The following TCF7L2 variants were observed in gnomAD, a reference collection of about 807,000 sequenced individuals.
The protein encoded by TCF7L2 is transcription factor 7 like 2.
A neutral mutation model predicts 77.9 loss-of-function variants in TCF7L2; 23 were observed. The observed-to-expected ratio is 0.30, with a 90% CI of 0.21 to 0.42. The LOEUF is 0.42. Ranked by LOEUF, TCF7L2 falls within the 10% of genes least tolerant of loss-of-function variation. The pLI is 1.00. For missense variants in TCF7L2, 654 were observed against 793.1 expected (o/e 0.82, Z 2.11); for synonymous variants, 413 against 340.2 (o/e 1.21, Z -2.36).
chr10:112,975,421 G>A (rs957190573), intron 4 of TCF7L2, among the ~76,000 whole-genome samples: 1 of 152,176 alleles, frequency 6.6e-6, no homozygotes, highest in African/African-American at 2.4e-5. Context: ...TTGGGCTGGA[G>A]AATTCTTCGT....
intron 5 of TCF7L2, among the ~76,000 whole-genome samples, chr10:113,102,456 G>A (rs375706602): frequency 5.4e-5 from 8 of 148,308 alleles, no homozygotes; most frequent in East Asian, 2.0e-4. Flanking sequence ...ACAGAGTCTC[G>A]CTCTGTCGCC....
intron 13 of TCF7L2, among the ~76,000 whole-genome samples, chr10:113,164,669 C>T (rs10787479): frequency 0.32 from 48,062 of 151,576 alleles, 8,907 homozygotes; most frequent in African/African-American, 0.49. Context: ...CAGTTATTCT[C>T]GTTCCTTTGA....
At chr10:112,997,998 C>CA (rs34853233) in intron 4 of TCF7L2, among the ~76,000 whole-genome samples, 102 of 149,644 alleles carry the variant, frequency 6.8e-4, no homozygotes, top group African/African-American at 2.3e-3. Flanking sequence ...AAACAAAAAA[C>CA]AAAAAAAAGG....
intron 4 of TCF7L2, among the ~76,000 whole-genome samples, chr10:113,018,668 C>T (rs562044986): frequency 2.0e-5 from 3 of 152,158 alleles, no homozygotes; most frequent in African/African-American, 7.2e-5. Flanking sequence ...GGGTTTCACC[C>T]TGTTGACCAG....
chr10:113,139,312 G>T (rs528121996), intron 5 of TCF7L2, among the ~76,000 whole-genome samples: 1 of 152,302 alleles, frequency 6.6e-6, no homozygotes, highest in Non-Finnish European at 1.5e-5. Flanking sequence ...TCAGCACACA[G>T]TGGGAGCTTC....
At chr10:113,069,843 A>G (rs528231716) in intron 5 of TCF7L2, among the ~76,000 whole-genome samples, 1 of 152,242 alleles carries the variant, frequency 6.6e-6, no homozygotes, top group South Asian at 2.1e-4. Context: ...GTAAAACCAG[A>G]TATTCAAGAA....
In TCF7L2 at chr10:113,152,273, T is replaced by G. The variant is rs369254425; in HGVS notation, c.1162-60T>G. ...CCTGACCTTGGCGTAATGTGTGATG[T>G]TCTTTCATGCTTTTCTCTTTGTTCA... On this transcript the variant is annotated intron_variant, in intron 10 of 13. Transcript: ENST00000627217. The G allele has an allele frequency of 5.2e-4, 740 of 1,433,866 alleles. 16 individuals are homozygous for G. In the South Asian group the frequency reaches 8.0e-3, roughly 16 times the overall value. 88.8% of individuals were successfully genotyped at this position (1,433,866 alleles called of 1,614,324 possible).
intron 4 of TCF7L2, among the ~76,000 whole-genome samples, chr10:112,985,868 GT>G (rs2041416359): frequency 2.0e-5 from 3 of 151,710 alleles, no homozygotes; most frequent in African/African-American, 7.3e-5. Context: ...GTTTGTGTGT[GT>G]GTGTGTGTGT....
chr10:112,992,445 C>T (rs1292757278), intron 4 of TCF7L2, among the ~76,000 whole-genome samples: 1 of 152,172 alleles, frequency 6.6e-6, no homozygotes, highest in Non-Finnish European at 1.5e-5. Context: ...GTTGGGATTC[C>T]TGGGTTCGAG....
chr10:113,141,110 C>T lies in TCF7L2; in HGVS notation c.553-74C>T, dbSNP rs143982203. 166 of 1,576,690 alleles carry T rather than the reference C, an allele frequency of 1.1e-4. 1 individual carries two copies. In the African/African-American group the frequency reaches 1.6e-3, roughly 15 times the overall value. On this transcript the variant is annotated intron_variant, in intron 5 of 13. Coordinates refer to ENST00000627217, the MANE Select transcript of TCF7L2 (RefSeq NM_001146274.2). Reference sequence around the variant, plus strand: ...GAGAGGCTGTGGCCAAGGGAACCCACGGGCCCGGTGCTCTGAAGCCCTGGG... The same window carrying T: ...GAGAGGCTGTGGCCAAGGGAACCCATGGGCCCGGTGCTCTGAAGCCCTGGG...
chr10:112,996,283 T>TG (rs1403977483), intron 4 of TCF7L2, among the ~76,000 whole-genome samples: 1 of 152,124 alleles, frequency 6.6e-6, no homozygotes, highest in Non-Finnish European at 1.5e-5. Context: ...CGAAGTGATA[T>TG]GGGGCCCTTG....
chr10:113,066,830 G>A (rs1325262440), intron 5 of TCF7L2, among the ~76,000 whole-genome samples: 1 of 152,240 alleles, frequency 6.6e-6, no homozygotes, highest in Non-Finnish European at 1.5e-5. Flanking sequence ...GACAGATGAG[G>A]AGGCTGGGCT....
intron 5 of TCF7L2, chr10:113,089,430 G>A: frequency 1.2e-6 from 2 of 1,613,738 alleles, no homozygotes; most frequent in Non-Finnish European, 1.7e-6. Context: ...TCAGGGACAT[G>A]ACTGTCAGCA....
chr10:113,101,000 G>GGGA (rs2061568899), intron 5 of TCF7L2, among the ~76,000 whole-genome samples: 1 of 151,816 alleles, frequency 6.6e-6, no homozygotes, highest in Admixed American at 6.6e-5. Context: ...GCTTGAACCA[G>GGGA]GGAGGAGGAG....
chr10:113,125,225 T>A (rs922232158), intron 5 of TCF7L2, among the ~76,000 whole-genome samples: 22 of 143,866 alleles, frequency 1.5e-4, no homozygotes, highest in African/African-American at 2.4e-4. Flanking sequence ...GTTCTTTTTT[T>A]AAAAAGAAAA....
At chr10:113,053,156 G>T (rs1251374016) in intron 5 of TCF7L2, among the ~76,000 whole-genome samples, 2 of 152,150 alleles carry the variant, frequency 1.3e-5, no homozygotes, top group Non-Finnish European at 2.9e-5. Flanking sequence ...GACATACGGT[G>T]AGCTAGTGCG....
intron 4 of TCF7L2, among the ~76,000 whole-genome samples, chr10:113,007,028 T>G (rs958020863): frequency 6.6e-6 from 1 of 152,262 alleles, no homozygotes; most frequent in African/African-American, 2.4e-5. Flanking sequence ...CTCTTAAAAC[T>G]ACATTCCTTT....
chr10:113,148,907 T>G (rs567029796), intron 8 of TCF7L2, among the ~76,000 whole-genome samples: 1 of 152,294 alleles, frequency 6.6e-6, no homozygotes, highest in African/African-American at 2.4e-5. Flanking sequence ...CACCCCAAAA[T>G]GTACTCAGAT....
At position 113,152,351 on chromosome 10, in the gene TCF7L2, G is replaced by A; in HGVS notation, c.1180G>A (p.Glu394Lys). ...CCTCCAGTGGCATGCACTGTCCAGA[G>A]AAGAGCAAGCGAAATACTACGAGCT... The change falls in exon 11 of 14, where the codon GAA (glutamate) becomes AAA (lysine). Residue 394 changes from glutamate to lysine, a missense_variant. Coordinates refer to ENST00000627217, the MANE Select transcript of TCF7L2 (RefSeq NM_001146274.2). 6.2e-7 allele frequency: 1 copy of A among 1,614,186 alleles called. No homozygotes were observed. Among genetic ancestry groups the A allele is most frequent in the Non-Finnish European group, 8.5e-7 (1 of 1,180,008 alleles).
Sources: allele counts gnomAD v4.1 joint callset (sites outside exome capture counted in the v4.1 genomes callset), GRCh38; gene constraint gnomAD v4.1.1; transcripts MANE v1.5; gene names NCBI Gene and HGNC (gene_info 2026-07-23, HGNC 2026-07-21).